The following TAF4 variants were observed in gnomAD, a reference collection of about 807,000 sequenced individuals.
TAF4 encodes the protein transcription initiation factor TFIID subunit 4.
In TAF4, 9 loss-of-function variants were observed where a neutral mutation model predicts 90.3. That is an observed-to-expected ratio of 0.10 (90% CI 0.06 to 0.17). The LOEUF (loss-of-function observed/expected upper bound fraction) is 0.17, where lower values mean the gene tolerates loss of function less well. Ranked by LOEUF, TAF4 falls within the 10% of genes least tolerant of loss-of-function variation. TAF4 has a pLI of 1.00. For synonymous variants in TAF4, 818 were observed against 638.9 expected, an observed-to-expected ratio of 1.28 and a Z score of -4.23; for missense variants, 1,351 against 1,370.7, an observed-to-expected ratio of 0.99 and a Z score of 0.23.
chr20:62,053,116 G>C (rs1002425892), intron 1 of TAF4, among the ~76,000 whole-genome samples: 10 of 152,100 alleles, frequency 6.6e-5, no homozygotes, highest in Non-Finnish European at 1.2e-4. Context: ...CCCAGCCTTC[G>C]GGCCCAGGCA....
chr20:62,025,188 A>C (rs1018916984), intron 1 of TAF4, among the ~76,000 whole-genome samples: 28 of 152,178 alleles, frequency 1.8e-4, no homozygotes. Flanking sequence ...TAAGCAAGCG[A>C]AAGGCAAGTG....
intron 14 of TAF4, among the ~76,000 whole-genome samples, chr20:61,993,102 C>G (rs1419429077): frequency 6.6e-6 from 1 of 152,170 alleles, no homozygotes; most frequent in African/African-American, 2.4e-5. Context: ...AGCGGCCAAA[C>G]AGTAGTGGAG....
intron 14 of TAF4, among the ~76,000 whole-genome samples, chr20:61,978,512 G>T (rs2055510896): frequency 6.7e-6 from 1 of 149,816 alleles, no homozygotes; most frequent in Non-Finnish European, 1.5e-5. Context: ...ACCAACCAAG[G>T]GAGGGCGCGA....
intron 1 of TAF4, among the ~76,000 whole-genome samples, chr20:62,029,047 T>A (rs1008753866): frequency 3.3e-5 from 5 of 151,824 alleles, no homozygotes; most frequent in African/African-American, 1.2e-4. Flanking sequence ...ATACAAAAAA[T>A]TAGCCGGGCA....
chr20:62,015,794 G>A (rs1186221114), intron 1 of TAF4, among the ~76,000 whole-genome samples: 1 of 152,168 alleles, frequency 6.6e-6, no homozygotes, highest in Admixed American at 6.5e-5. Context: ...GCGCTATGAC[G>A]CTGGGGCACT....
chr20:62,065,001 C>CGGGGCGGCGGCG lies in TAF4; in HGVS notation c.798_809dup (p.Ala267_Pro270dup). On this transcript the variant is annotated inframe_insertion, in exon 1 of 15. Coordinates refer to ENST00000252996, the MANE Select transcript of TAF4 (RefSeq NM_003185.4). ...TGGCGGGCGCGGGGGGTGGCGGGGG[C>CGGGGCGGCGGCG]GGGGCGGCGGCGGGGGCGGCGGGCG... 1 of 145,990 alleles carries CGGGGCGGCGGCG rather than the reference C, an allele frequency of 6.8e-6. No individual in the cohort carries two copies. The highest frequency in any genetic ancestry group is 8.3e-6 in the Non-Finnish European group (1 of 120,666). 9.0% of individuals were successfully genotyped at this position (145,990 alleles called of 1,614,324 possible). A position where few individuals can be genotyped will look rare whatever the true frequency, so the allele number is the denominator to read the frequency against.
At chr20:62,045,225 G>A (rs2055986493) in intron 1 of TAF4, among the ~76,000 whole-genome samples, 1 of 152,178 alleles carries the variant, frequency 6.6e-6, no homozygotes, top group South Asian at 2.1e-4. Context: ...ACTGTCACAG[G>A]GACAACCGTC....
chr20:61,982,516 C>A (rs1340719248), intron 14 of TAF4, among the ~76,000 whole-genome samples: 3 of 124,114 alleles, frequency 2.4e-5, no homozygotes, highest in Non-Finnish European at 3.4e-5. Flanking sequence ...AGAAGAAACA[C>A]CAAACCCACA....
intron 1 of TAF4, among the ~76,000 whole-genome samples, chr20:62,020,169 C>G (rs1342012529): frequency 6.6e-6 from 1 of 152,220 alleles, no homozygotes; most frequent in Non-Finnish European, 1.5e-5. Context: ...GAGCATGGCA[C>G]CAGCCCCAGC....
At position 62,064,910 on chromosome 20, in the gene TAF4, C is replaced by T. The variant is rs2056115882; in HGVS notation, c.901G>A (p.Ala301Thr). ...GCGCTGCCCCCGTTCTGGGCGGCGG[C>T]GGGGGGCGGCACGGCGGGCGCGGCG... ...PTAAPAVPPP[A>T]AAQNGGSAGA... The change falls in exon 1 of 15, where the codon GCC (alanine) becomes ACC (threonine). Residue 301 changes from alanine to threonine, a missense_variant. Ala to Thr is a moderately conservative substitution (Grantham distance 58). Transcript: ENST00000252996. 2 of 657,794 alleles carry T rather than the reference C, an allele frequency of 3.0e-6. No individual in the cohort carries two copies. The highest frequency in any genetic ancestry group is 3.7e-6 in the Non-Finnish European group (2 of 543,096). 40.7% of individuals were successfully genotyped at this position (657,794 alleles called of 1,614,324 possible). A position where few individuals can be genotyped will look rare whatever the true frequency, so the allele number is the denominator to read the frequency against.
chr20:62,013,607 G>A (rs2123148513), intron 2 of TAF4, among the ~76,000 whole-genome samples: 1 of 152,388 alleles, frequency 6.6e-6, no homozygotes, highest in South Asian at 2.1e-4. Flanking sequence ...CTATGGGACA[G>A]AGGCACAACT....
At chr20:62,039,298 C>T (rs567639749) in intron 1 of TAF4, among the ~76,000 whole-genome samples, 2 of 152,256 alleles carry the variant, frequency 1.3e-5, no homozygotes, top group South Asian at 2.1e-4. Flanking sequence ...CGTCCTCACA[C>T]GTGGCCGACT....
chr20:62,059,849 G>T (rs2056079791), intron 1 of TAF4, among the ~76,000 whole-genome samples: 1 of 152,202 alleles, frequency 6.6e-6, no homozygotes, highest in African/African-American at 2.4e-5. Context: ...TCTGCTTCAA[G>T]ATCCTCAAAC....
chr20:62,054,917 A>C (rs1487657994), intron 1 of TAF4, among the ~76,000 whole-genome samples: 2 of 150,568 alleles, frequency 1.3e-5, no homozygotes, highest in African/African-American at 2.5e-5. Context: ...CCGCCTGCCC[A>C]CCTCAATCTC....
At chr20:62,038,864 C>T (rs1392940647) in intron 1 of TAF4, among the ~76,000 whole-genome samples, 1 of 152,050 alleles carries the variant, frequency 6.6e-6, no homozygotes, top group Admixed American at 6.5e-5. Flanking sequence ...ACCAGCCTGG[C>T]CAACACGGCA....
At chr20:62,013,687 C>G (rs1046296442) in intron 2 of TAF4, among the ~76,000 whole-genome samples, 11 of 152,356 alleles carry the variant, frequency 7.2e-5, no homozygotes, top group Non-Finnish European at 1.6e-4. Context: ...CACAAACCTG[C>G]CAGGTCATTC....
intron 1 of TAF4, among the ~76,000 whole-genome samples, chr20:62,061,388 AGG>A (rs1483143211): frequency 6.6e-6 from 1 of 152,252 alleles, no homozygotes; most frequent in Non-Finnish European, 1.5e-5. Flanking sequence ...CCCTAGGCCA[AGG>A]GATCAAGGCC....
In TAF4 at chr20:62,003,408, A is replaced by C. The variant is rs943031272; in HGVS notation, c.2372-134T>G. 4.1e-6 allele frequency: 3 copies of C among 731,892 alleles called. No individual in the cohort carries two copies. In the African/African-American group the frequency reaches 5.3e-5, roughly 13 times the overall value. The allele number at this position is 731,892 out of a possible 1,614,324, so 45.3% of individuals were successfully genotyped here. ...ACAAGAAAGTTTCCAAAAACTTCAT[A>C]TTAATAACTCTAAATTACAGTACAA... On this transcript the variant is annotated intron_variant, in intron 8 of 14. Coordinates refer to ENST00000252996, the MANE Select transcript of TAF4 (RefSeq NM_003185.4).
chr20:62,003,209 C>T lies in TAF4; in HGVS notation c.2437G>A (p.Ala813Thr), dbSNP rs778785200. The T allele has an allele frequency of 1.9e-6, 3 of 1,614,216 alleles. No individual in the cohort carries two copies. Among genetic ancestry groups the T allele is most frequent in the Non-Finnish European group, 2.5e-6 (3 of 1,180,038 alleles). Residue 813 changes from alanine (A) to threonine (T), a missense_variant, in exon 9 of 15, where the codon GCT becomes ACT. Physicochemically the swap from Ala to Thr is moderately conservative, Grantham distance 58. This residue lies in a region of TAF4 where 202 missense variants were observed against 229.7 expected (regional missense o/e 0.88). Transcript: ENST00000252996. Reference protein sequence around the residue: ...KALSAVSAQAAAAQKNKLKEP... With the variant: ...KALSAVSAQATAAQKNKLKEP... ...TTGAGTTTATTTTTCTGTGCAGCAG[C>T]TGCTTGTGCCGAGACAGCAGAAAGG...
Sources: gnomAD v4.1 joint callset for allele counts (sites outside exome capture counted in the v4.1 genomes callset) on GRCh38, gnomAD v4.1.1 for gene constraint, gnomAD v4.1.1 regional missense constraint, MANE v1.5 for transcripts, NCBI Gene and HGNC (gene_info 2026-07-23, HGNC 2026-07-21) for gene names.